Variants in SPOCK1 observed in about 807,000 individuals in gnomAD.
The protein encoded by SPOCK1 is testican-1.
In SPOCK1, 23 loss-of-function variants were observed where a neutral mutation model predicts 55.3. That is an observed-to-expected ratio of 0.42 (90% CI 0.30 to 0.59). The LOEUF (loss-of-function observed/expected upper bound fraction) is 0.59. Ranked by LOEUF, SPOCK1 falls within the 20% of genes least tolerant of loss-of-function variation. SPOCK1 has a pLI of 0.22. For synonymous variants in SPOCK1, 226 were observed against 221.0 expected (o/e 1.02, Z -0.20); for missense variants, 499 against 552.5 (o/e 0.90, Z 0.97).
chr5:137,209,318 A>T (rs1436246278), intron 3 of SPOCK1, among the ~76,000 whole-genome samples: 1 of 152,198 alleles, frequency 6.6e-6, no homozygotes, highest in Non-Finnish European at 1.5e-5. Context: ...AAGGCTGCCA[A>T]AACCCTAAAT....
chr5:137,246,666 G>T (rs182621509), intron 3 of SPOCK1, among the ~76,000 whole-genome samples: 1 of 152,122 alleles, frequency 6.6e-6, no homozygotes. Flanking sequence ...TGGCCTGAGG[G>T]GTCTTCACCC....
At chr5:137,221,549 C>T (rs1755860237) in intron 3 of SPOCK1, among the ~76,000 whole-genome samples, 1 of 152,126 alleles carries the variant, frequency 6.6e-6, no homozygotes, top group Non-Finnish European at 1.5e-5. Context: ...GAGACCTTTA[C>T]ACAACATCTT....
At chr5:137,212,036 C>T (rs1309804294) in intron 3 of SPOCK1, among the ~76,000 whole-genome samples, 1 of 152,068 alleles carries the variant, frequency 6.6e-6, no homozygotes, top group African/African-American at 2.4e-5. Context: ...TTATGGGAAC[C>T]CCAATTTATA....
At position 137,255,199 on chromosome 5, in the gene SPOCK1, G is replaced by A. The variant is rs540498017; in HGVS notation, c.232+11811C>T. Among the ~76,000 whole-genome samples the A allele has an allele frequency of 2.0e-4, 31 of 152,226 alleles. 1 individual carries two copies. The South Asian group carries it at 3.9e-3, about 19-fold the overall frequency. ...CACTGCTAGATACTGGCGGGAACACGGGCCACCCTGACAAACCCCCTTCTG... is the reference window on the plus strand; with the variant it reads ...CACTGCTAGATACTGGCGGGAACACAGGCCACCCTGACAAACCCCCTTCTG... On this transcript the variant is annotated intron_variant, in intron 3 of 10. Coordinates refer to ENST00000394945, the MANE Select transcript of SPOCK1 (RefSeq NM_004598.4).
chr5:137,132,433 G>A (rs973786520), intron 4 of SPOCK1, among the ~76,000 whole-genome samples: 4 of 152,068 alleles, frequency 2.6e-5, no homozygotes, highest in Admixed American at 6.6e-5. Context: ...ACTGAAATCC[G>A]ATGTAGGAAA....
At chr5:136,987,791 G>A (rs1750871831) in intron 8 of SPOCK1, among the ~76,000 whole-genome samples, 1 of 152,080 alleles carries the variant, frequency 6.6e-6, no homozygotes, top group South Asian at 2.1e-4. Context: ...CCATACTCAG[G>A]TGCACCCCCC....
intron 2 of SPOCK1, among the ~76,000 whole-genome samples, chr5:137,352,682 G>A (rs1170970428): frequency 6.6e-6 from 1 of 152,084 alleles, no homozygotes; most frequent in Non-Finnish European, 1.5e-5. Flanking sequence ...TGGGGAAGAG[G>A]AAGGGGTGGA....
At chr5:137,113,042 G>A (rs2127033025) in intron 4 of SPOCK1, among the ~76,000 whole-genome samples, 1 of 152,208 alleles carries the variant, frequency 6.6e-6, no homozygotes, top group South Asian at 2.1e-4. Context: ...ACAACTGAAA[G>A]ACTTTATCAC....
At chr5:137,179,002 G>T (rs1754915778) in intron 3 of SPOCK1, among the ~76,000 whole-genome samples, 1 of 152,188 alleles carries the variant, frequency 6.6e-6, no homozygotes, top group Non-Finnish European at 1.5e-5. Context: ...GGTAGGGAAT[G>T]GTGACTTCCT....
chr5:137,348,882 A>G (rs1264979075), intron 2 of SPOCK1, among the ~76,000 whole-genome samples: 2 of 152,198 alleles, frequency 1.3e-5, no homozygotes, highest in Admixed American at 1.3e-4. Flanking sequence ...AGCATTTGCA[A>G]CAACTTCAAT....
intron 5 of SPOCK1, among the ~76,000 whole-genome samples, chr5:137,101,518 C>T (rs767333916): frequency 1.1e-4 from 17 of 152,190 alleles, no homozygotes; most frequent in Non-Finnish European, 2.2e-4. Context: ...AAATGAAAAC[C>T]TATTCTTCAA....
intron 5 of SPOCK1, among the ~76,000 whole-genome samples, chr5:137,096,659 A>G (rs1753152331): frequency 6.6e-6 from 1 of 152,282 alleles, no homozygotes; most frequent in African/African-American, 2.4e-5. Context: ...TCGATGAGCC[A>G]ACCCAAGCCA....
intron 3 of SPOCK1, among the ~76,000 whole-genome samples, chr5:137,156,492 G>C (rs1754420001): frequency 6.6e-6 from 1 of 152,128 alleles, no homozygotes; most frequent in South Asian, 2.1e-4. Flanking sequence ...GAAGTAGTTT[G>C]ACAACCAATA....
intron 4 of SPOCK1, among the ~76,000 whole-genome samples, chr5:137,117,468 T>A (rs1285244753): frequency 6.6e-6 from 1 of 152,212 alleles, no homozygotes; most frequent in African/African-American, 2.4e-5. Context: ...TTCCTCAATA[T>A]ACTATGTACT....
chr5:136,978,881 C>A (rs1448449258), intron 10 of SPOCK1, 37 bp from the exon 11 acceptor site: 1 of 1,572,320 alleles, frequency 6.4e-7, no homozygotes, highest in Admixed American at 1.8e-5. Context: ...TTAGTTTCCA[C>A]TTATACCTCA....
chr5:137,291,072 A>T (rs1430959371), intron 2 of SPOCK1, among the ~76,000 whole-genome samples: 1 of 152,218 alleles, frequency 6.6e-6, no homozygotes, highest in Non-Finnish European at 1.5e-5. Flanking sequence ...CAGAGCCTAG[A>T]TTCACCTGGT....
Position 137,373,045 on chromosome 5 carries a change from C to CCCTTCCA in SPOCK1, c.187-105997_187-105991dup, listed in dbSNP as rs1416302249. On this transcript the variant is annotated intron_variant, in intron 2 of 10. Transcript: ENST00000394945. ...TGTTCTCTCTGTGTATGCTCTCTTG[C>CCCTTCCA]CCTTCCACCTTCCACCATGTGATGA... Among the ~76,000 whole-genome samples the CCCTTCCA allele has an allele frequency of 7.9e-5, 12 of 152,298 alleles. No individual in the cohort carries two copies. The East Asian group carries it at 1.7e-3, about 22-fold the overall frequency.
rs3072679 is a variant in SPOCK1 at position 137,438,650 on chromosome 5, G to GCACACA, written c.186+59717_186+59722dup. ...ATTTCATTTGGAGATATTTGCATAT[G>GCACACA]CACACACACACACACACACAGAAGC... On this transcript the variant is annotated intron_variant, in intron 2 of 10. Transcript: ENST00000394945. Among the ~76,000 whole-genome samples, 1,187 of 150,786 alleles carry GCACACA rather than the reference G, an allele frequency of 7.9e-3. 7 individuals are homozygous for GCACACA. Among genetic ancestry groups the GCACACA allele is most frequent in the Middle Eastern group, 0.028 (8 of 290 alleles).
rs188269432 is a variant in SPOCK1 at position 137,371,965 on chromosome 5, C to T, written c.187-104910G>A. 3.5e-4 allele frequency among the ~76,000 whole-genome samples: 53 copies of T among 152,266 alleles called. 1 individual carries two copies. In the East Asian group the frequency reaches 6.4e-3, roughly 18 times the overall value. ...CCACATATATAATTTGAATTTCTGG[C>T]GGTCACACTAAAAAGCAAAAACAGG... On this transcript the variant is annotated intron_variant, in intron 2 of 10. Transcript: ENST00000394945.
Sources: allele counts gnomAD v4.1 joint callset (sites outside exome capture counted in the v4.1 genomes callset), GRCh38; gene constraint gnomAD v4.1.1; transcripts MANE v1.5; gene names NCBI Gene and HGNC (gene_info 2026-07-23, HGNC 2026-07-21).